The following ERC2 variants were observed in gnomAD, a reference collection of about 807,000 sequenced individuals.
ERC2 encodes the protein ELKS/RAB6-interacting/CAST family member 2.
ERC2 carries 42 observed loss-of-function variants against 114.8 expected under a neutral mutation model. The ratio of observed to expected loss-of-function variants is 0.37; its 90% CI spans 0.29 to 0.47. ERC2 has a LOEUF of 0.47. Ranked by LOEUF, ERC2 falls within the 20% of genes least tolerant of loss-of-function variation. The pLI is 0.99. For synonymous variants in ERC2, 454 were observed against 425.5 expected (o/e 1.07, Z -0.82); for missense variants, 939 against 1,150.7 (o/e 0.82, Z 2.66).
At chr3:56,455,374 T>C (rs143004650) in intron 1 of ERC2, among the ~76,000 whole-genome samples, 24 of 152,292 alleles carry the variant, frequency 1.6e-4, no homozygotes, top group Admixed American at 1.5e-3. Flanking sequence ...ACAATTTCCT[T>C]ATGGGATTAA....
rs141050549 is a variant in ERC2 at position 55,862,156 on chromosome 3, C to T, written c.2564+26233G>A. Among the ~76,000 whole-genome samples the T allele has an allele frequency of 1.1e-3, 160 of 152,272 alleles. 1 individual carries two copies. Among genetic ancestry groups the T allele is most frequent in the African/African-American group, 3.5e-3 (146 of 41,552 alleles). ...ACACACACAAACACACACACATACA[C>T]ATATATGTATTTTATGTATGTGTGT... On this transcript the variant is annotated intron_variant, in intron 14 of 17. Transcript: ENST00000288221.
At chr3:56,010,056 A>G (rs2072796049) in intron 9 of ERC2, among the ~76,000 whole-genome samples, 1 of 152,204 alleles carries the variant, frequency 6.6e-6, no homozygotes, top group Admixed American at 6.6e-5. Context: ...AGCACTTGAC[A>G]CAAGGAATAG....
chr3:56,222,812 C>A (rs2050003502), intron 3 of ERC2, among the ~76,000 whole-genome samples: 1 of 152,322 alleles, frequency 6.6e-6, no homozygotes, highest in East Asian at 1.9e-4. Context: ...GGTCACAAAA[C>A]CATACAAAAG....
At chr3:56,174,796 G>A (rs540888161) in intron 3 of ERC2, among the ~76,000 whole-genome samples, 2 of 152,158 alleles carry the variant, frequency 1.3e-5, no homozygotes, top group South Asian at 4.2e-4. Flanking sequence ...TGGCCAACAC[G>A]GTGAAACCCT....
chr3:55,940,900 T>C (rs536302823), intron 13 of ERC2, among the ~76,000 whole-genome samples: 5 of 152,212 alleles, frequency 3.3e-5, no homozygotes, highest in Non-Finnish European at 7.4e-5. Context: ...GCATCTTCAC[T>C]GTTGATACAG....
At chr3:56,302,536 G>A (rs1560553905) in intron 2 of ERC2, among the ~76,000 whole-genome samples, 3 of 152,160 alleles carry the variant, frequency 2.0e-5, no homozygotes, top group Admixed American at 2.0e-4. Context: ...GAACGCTCTA[G>A]CAAAGCCACA....
intron 14 of ERC2, among the ~76,000 whole-genome samples, chr3:55,836,385 G>T (rs1195862434): frequency 6.6e-6 from 1 of 152,096 alleles, no homozygotes; most frequent in Non-Finnish European, 1.5e-5. Flanking sequence ...AAAACAGCAT[G>T]GTACTGGTAC....
chr3:56,058,758 C>T (rs189992634), intron 7 of ERC2, among the ~76,000 whole-genome samples: 12 of 152,340 alleles, frequency 7.9e-5, no homozygotes, highest in Non-Finnish European at 1.5e-4. Flanking sequence ...CAAACTGCAA[C>T]TCTTTCCTGG....
intron 13 of ERC2, among the ~76,000 whole-genome samples, chr3:55,929,675 G>A (rs950605976): frequency 5.3e-5 from 8 of 152,196 alleles, no homozygotes; most frequent in African/African-American, 1.9e-4. Flanking sequence ...CCCCAGTGTT[G>A]AAGGAAGGGC....
intron 12 of ERC2, among the ~76,000 whole-genome samples, chr3:55,965,019 T>C (rs568461607): frequency 2.0e-4 from 31 of 152,350 alleles, no homozygotes; most frequent in Non-Finnish European, 2.9e-4. Flanking sequence ...TTTCATATAA[T>C]ATAACATAAT....
At chr3:56,259,224 A>G (rs1324120391) in intron 3 of ERC2, among the ~76,000 whole-genome samples, 4 of 152,038 alleles carry the variant, frequency 2.6e-5, no homozygotes, top group Non-Finnish European at 5.9e-5. Flanking sequence ...CACCCACCGC[A>G]GCCTCCCAAA....
intron 13 of ERC2, among the ~76,000 whole-genome samples, chr3:55,910,114 C>T (rs151219467): frequency 6.6e-6 from 1 of 152,168 alleles, no homozygotes; most frequent in Non-Finnish European, 1.5e-5. Context: ...ATTGGGCTGG[C>T]CACAGTGGCT....
At chr3:55,911,445 G>A (rs990919521) in intron 13 of ERC2, among the ~76,000 whole-genome samples, 2 of 152,048 alleles carry the variant, frequency 1.3e-5, no homozygotes, top group African/African-American at 4.8e-5. Context: ...CTAGTCTGCC[G>A]CTGATGGCAG....
chr3:55,897,864 C>T (rs773630103), intron 13 of ERC2, among the ~76,000 whole-genome samples: 4 of 152,172 alleles, frequency 2.6e-5, no homozygotes, highest in African/African-American at 4.8e-5. Flanking sequence ...TCAGCCTGGA[C>T]CTGACCATCC....
chr3:56,243,323 C>A (rs1450681507), intron 3 of ERC2, among the ~76,000 whole-genome samples: 1 of 152,188 alleles, frequency 6.6e-6, no homozygotes, highest in Non-Finnish European at 1.5e-5. Context: ...GACTTAATCT[C>A]TTTAGACTCA....
At chr3:55,786,723 T>G (rs2149065730) in intron 14 of ERC2, among the ~76,000 whole-genome samples, 1 of 152,338 alleles carries the variant, frequency 6.6e-6, no homozygotes, top group African/African-American at 2.4e-5. Context: ...ATTGCCATTC[T>G]AAATGTATAC....
intron 2 of ERC2, among the ~76,000 whole-genome samples, chr3:56,330,164 G>A (rs2057543962): frequency 6.6e-6 from 1 of 152,030 alleles, no homozygotes; most frequent in South Asian, 2.1e-4. Flanking sequence ...CTCGTGAGTA[G>A]CTGGGACTAC....
chr3:56,404,117 A>G (rs897056868), intron 2 of ERC2, among the ~76,000 whole-genome samples: 4 of 152,330 alleles, frequency 2.6e-5, no homozygotes, highest in African/African-American at 7.2e-5. Flanking sequence ...AAGTTTTACA[A>G]TGTTCTCAAA....
chr3:55,865,379 T>C (rs1233889671), intron 14 of ERC2, among the ~76,000 whole-genome samples: 1 of 152,184 alleles, frequency 6.6e-6, no homozygotes, highest in Non-Finnish European at 1.5e-5. Context: ...AAACAGGCTG[T>C]ATATAAACAT....
Sources: gnomAD v4.1 joint callset for allele counts (sites outside exome capture counted in the v4.1 genomes callset) on GRCh38, gnomAD v4.1.1 for gene constraint, MANE v1.5 for transcripts, NCBI Gene and HGNC (gene_info 2026-07-23, HGNC 2026-07-21) for gene names.